Variants in PCDHGB4 observed in about 807,000 individuals in gnomAD.
The protein encoded by PCDHGB4 is protocadherin gamma-B4.
In PCDHGB4, 38 loss-of-function variants were observed where a neutral mutation model predicts 60.5. The observed-to-expected ratio is 0.63, with a 90% CI of 0.48 to 0.82. PCDHGB4 has a LOEUF of 0.82. PCDHGB4 is among the 40% of genes least tolerant of loss of function. PCDHGB4 has a pLI of 0.00. For synonymous variants in PCDHGB4, 456 were observed against 509.7 expected, an observed-to-expected ratio of 0.89 and a Z score of 1.42; for missense variants, 1,109 against 1,209.6, an observed-to-expected ratio of 0.92 and a Z score of 1.23.
At chr5:141,454,620 G>T (rs1028840158) in intron 1 of PCDHGB4, among the ~76,000 whole-genome samples, 1 of 151,520 alleles carries the variant, frequency 6.6e-6, no homozygotes, top group East Asian at 1.9e-4. Flanking sequence ...TGGTCAGGCT[G>T]GTCTCGAACC....
At chr5:141,462,896 A>G (rs1280422442) in intron 1 of PCDHGB4, among the ~76,000 whole-genome samples, 1 of 152,142 alleles carries the variant, frequency 6.6e-6, no homozygotes, top group African/African-American at 2.4e-5. Context: ...TTGTTTTGGA[A>G]GGCTATTATG....
At chr5:141,403,342 C>T (rs766669117) in intron 1 of PCDHGB4, 4 of 1,613,976 alleles carry the variant, frequency 2.5e-6, no homozygotes, top group African/African-American at 1.3e-5. Context: ...ACGACAGCGC[C>T]CCAAAGTTCC....
intron 3 of PCDHGB4, among the ~76,000 whole-genome samples, chr5:141,507,479 C>T (rs1050741571): frequency 1.3e-5 from 2 of 152,198 alleles, no homozygotes; most frequent in East Asian, 1.9e-4. Flanking sequence ...GACTGCTGGC[C>T]TCCTGAGGCA....
chr5:141,501,831 C>G (rs1246452764), intron 2 of PCDHGB4, among the ~76,000 whole-genome samples: 1 of 152,176 alleles, frequency 6.6e-6, no homozygotes, highest in African/African-American at 2.4e-5. Context: ...GCCCACCCAC[C>G]TGTTTGGCCC....
chr5:141,423,050 G>C, intron 1 of PCDHGB4: 1 of 1,614,186 alleles, frequency 6.2e-7, no homozygotes, highest in Non-Finnish European at 8.5e-7. Flanking sequence ...CTGTCCTATC[G>C]CCTGCTTAAG....
intron 1 of PCDHGB4, among the ~76,000 whole-genome samples, chr5:141,407,218 G>A (rs1056826116): frequency 1.3e-5 from 2 of 152,108 alleles, no homozygotes; most frequent in Admixed American, 6.5e-5. Flanking sequence ...CCTTAAGTGG[G>A]TAGCAAAAAA....
rs2099399818 is a variant in PCDHGB4, at chr5:141,476,845, C to G, written c.2398-17962C>G. 6.2e-7 allele frequency: 1 copy of G among 1,613,794 alleles called. No individual in the cohort carries two copies. Among genetic ancestry groups the G allele is most frequent in the African/African-American group, 1.3e-5 (1 of 75,078 alleles). ...TGGACGCGAATGACAATGCGCCTGTCTTCAACCAGTCCTTGTACCGGGCGC... is the reference window on the plus strand; with the variant it reads ...TGGACGCGAATGACAATGCGCCTGTGTTCAACCAGTCCTTGTACCGGGCGC... On this transcript the variant is annotated intron_variant, in intron 1 of 3. Transcript: ENST00000519479. This position sits in a 1 kb window ranked among gnomAD's most constrained non-coding sequence, Gnocchi z 7.6.
At chr5:141,423,852 G>T (rs796757517) in intron 1 of PCDHGB4, 36 of 1,279,400 alleles carry the variant, frequency 2.8e-5, no homozygotes, top group Non-Finnish European at 3.5e-5. Context: ...CTTTCAGAAC[G>T]TTTTTGTGAA....
chr5:141,457,045 C>T (rs1489830197), intron 1 of PCDHGB4, among the ~76,000 whole-genome samples: 1 of 152,198 alleles, frequency 6.6e-6, no homozygotes, highest in African/African-American at 2.4e-5. Context: ...GATAGTAAAA[C>T]TTTCATGCTT....
At chr5:141,462,203 G>T (rs544238255) in intron 1 of PCDHGB4, among the ~76,000 whole-genome samples, 2 of 152,036 alleles carry the variant, frequency 1.3e-5, no homozygotes, top group African/African-American at 4.8e-5. Flanking sequence ...CAGGTGATCC[G>T]CCTGCCTCGG....
chr5:141,428,043 A>C (rs765740380), intron 1 of PCDHGB4: 1 of 1,608,722 alleles, frequency 6.2e-7, no homozygotes, highest in South Asian at 1.1e-5. Context: ...CTACCTGGTG[A>C]CCAAGGTGGT....
chr5:141,398,448 G>A lies in PCDHGB4; in HGVS notation c.2397+8167G>A, dbSNP rs1213915296. On this transcript the variant is annotated intron_variant, in intron 1 of 3. Coordinates refer to ENST00000519479, the MANE Select transcript of PCDHGB4 (RefSeq NM_003736.4). ...AGCCAGCTTGTGCTCTGGAATTTGAGGCTGTTGCTGAAAATCCACTGAACT... is the reference window on the plus strand; with the variant it reads ...AGCCAGCTTGTGCTCTGGAATTTGAAGCTGTTGCTGAAAATCCACTGAACT... 2.5e-6 allele frequency: 4 copies of A among 1,574,288 alleles called. No individual in the cohort carries two copies. In the Middle Eastern group the frequency reaches 5.2e-4, roughly 203 times the overall value.
chr5:141,389,490 G>T lies in PCDHGB4; in HGVS notation c.1606G>T (p.Gly536Cys). ...ACTCACACTGCAGGCCCGCGACCAG[G>T]GCTCGCCAGCGCTCAGCGCGAACGT... is the stretch of plus-strand genomic sequence containing the variant. ...FELTLQARDQ[G>C]SPALSANVSL... Residue 536 changes from glycine to cysteine, a missense_variant, in exon 1 of 4, where the codon GGC becomes TGC. Transcript: ENST00000519479. The T allele has an allele frequency of 6.2e-7, 1 of 1,613,044 alleles. No individual in the cohort carries two copies. The highest frequency in any genetic ancestry group is 1.1e-5 in the South Asian group (1 of 91,052).
At chr5:141,442,049 C>A in intron 1 of PCDHGB4, 2 of 202,550 alleles carry the variant, frequency 9.9e-6, no homozygotes, top group South Asian at 1.3e-4. Flanking sequence ...GCCTACTGGT[C>A]GCGGTGCACT....
chr5:141,436,781 A>C (rs1041532929), intron 1 of PCDHGB4, among the ~76,000 whole-genome samples: 1 of 152,236 alleles, frequency 6.6e-6, no homozygotes, highest in Admixed American at 6.5e-5. Flanking sequence ...TGTGGATGGA[A>C]ATAAAACTGT....
At chr5:141,394,219 C>T (rs1355390708) in intron 1 of PCDHGB4, 1 of 1,613,786 alleles carries the variant, frequency 6.2e-7, no homozygotes, top group Non-Finnish European at 8.5e-7. Context: ...CTGAGAGGAG[C>T]CTCCATCTTT....
intron 2 of PCDHGB4, among the ~76,000 whole-genome samples, chr5:141,503,365 G>A (rs2099819492): frequency 6.6e-6 from 1 of 152,020 alleles, no homozygotes; most frequent in East Asian, 1.9e-4. Flanking sequence ...GGGAAGCGGA[G>A]GCAGGTGGAT....
In PCDHGB4 at chr5:141,463,735, C is replaced by T. The variant is rs1411988885; in HGVS notation, c.2398-31072C>T. On this transcript the variant is annotated intron_variant, in intron 1 of 3. Coordinates refer to ENST00000519479, the MANE Select transcript of PCDHGB4 (RefSeq NM_003736.4). ...TGCTGGGATTACAGGCATGAGCCAC[C>T]GCGCCCGGCCTGCTTCTCTTCTCTT... 3.3e-5 allele frequency among the ~76,000 whole-genome samples: 5 copies of T among 152,100 alleles called. No individual in the cohort carries two copies. The East Asian group carries it at 7.8e-4, about 24-fold the overall frequency.
At chr5:141,405,357 A>G in intron 1 of PCDHGB4, 1 of 1,613,846 alleles carries the variant, frequency 6.2e-7, no homozygotes, top group Non-Finnish European at 8.5e-7. Flanking sequence ...TTTCCTATAG[A>G]AGACACCCCT....
Sources: allele counts gnomAD v4.1 joint callset (sites outside exome capture counted in the v4.1 genomes callset), GRCh38; gene constraint gnomAD v4.1.1; non-coding constraint Gnocchi (gnomAD v3.1); transcripts MANE v1.5; gene names NCBI Gene and HGNC (gene_info 2026-07-23, HGNC 2026-07-21).